KCNA6: variants seen among roughly 807,000 people sequenced by gnomAD.
KCNA6 encodes human brain potassium channel-2.
In KCNA6, 17 loss-of-function variants were observed where a neutral mutation model predicts 29.5. The ratio of observed to expected loss-of-function variants is 0.58; its 90% CI spans 0.39 to 0.86. The LOEUF is 0.86. Ranked by LOEUF, KCNA6 falls within the 40% of genes least tolerant of loss-of-function variation. KCNA6 has a pLI of 0.00. For missense variants in KCNA6, 450 were observed against 703.4 expected (o/e 0.64, Z 4.07); for synonymous variants, 296 against 304.7 (o/e 0.97, Z 0.30).
At chr12:4,839,128 A>T in the KCNA6 span, 4 of 152,244 alleles carry the variant, frequency 2.6e-5, no homozygotes, top group Non-Finnish European at 4.4e-5. Flanking sequence ...TGAACTCAAA[A>T]GCTTAAGGAA....
chr12:4,820,382 C>T, the KCNA6 span, among the ~76,000 whole-genome samples: 1 of 150,736 alleles, frequency 6.6e-6, no homozygotes, highest in South Asian at 2.1e-4. Flanking sequence ...ATGGAGGGGG[C>T]AGTGAATGCC....
the KCNA6 span, among the ~76,000 whole-genome samples, chr12:4,846,356 C>T: frequency 1.3e-5 from 2 of 152,036 alleles, no homozygotes; most frequent in Non-Finnish European, 2.9e-5. Context: ...CACTGCCCAC[C>T]GTTACTCTCC....
chr12:4,811,731 G>C lies in KCNA6; in HGVS notation c.*100G>C. 1.4e-6 allele frequency: 2 copies of C among 1,400,558 alleles called. No individual in the cohort carries two copies. The highest frequency in any genetic ancestry group is 2.0e-6 in the Non-Finnish European group (2 of 1,023,470). The allele number at this position is 1,400,558 out of a possible 1,614,324, so 86.8% of individuals were successfully genotyped here. On this transcript the variant is annotated 3_prime_UTR_variant, in exon 1 of 1. Transcript: ENST00000280684. This position sits in a 1 kb window ranked among gnomAD's most constrained non-coding sequence, Gnocchi z 7.1. ...TCACTCTAGCTTCAGTTGACTTCTT[G>C]ACTCTCTCCCCTACACCCACTACCT...
At position 4,811,403 on chromosome 12, in the gene KCNA6, G is replaced by T. The variant is rs376405366; in HGVS notation, c.1362G>T (p.Val454=). Residue 454 remains valine, a synonymous_variant, in exon 1 of 1, where the codon GTG becomes GTT. Transcript: ENST00000280684. This position sits in a 1 kb window ranked among gnomAD's most constrained non-coding sequence, Gnocchi z 7.1. ...GGGTCCTCACCATTGCCCTGCCTGT[G>T]CCCGTCATCGTCTCCAACTTCAACT... The T allele has an allele frequency of 2.5e-6, 4 of 1,614,046 alleles. No homozygotes were observed. Among genetic ancestry groups the T allele is most frequent in the Non-Finnish European group, 3.4e-6 (4 of 1,180,040 alleles).
At chr12:4,842,528 A>G in the KCNA6 span, 3,109 of 152,782 alleles carry the variant, frequency 0.02, 48 homozygotes, top group Non-Finnish European at 0.03. Flanking sequence ...CACAGGCTAT[A>G]CAGGAAACAT....
the KCNA6 span, among the ~76,000 whole-genome samples, chr12:4,827,356 G>A: frequency 2.0e-5 from 3 of 151,638 alleles, no homozygotes; most frequent in Non-Finnish European, 2.9e-5. Context: ...TCTTTATTTC[G>A]GTGTTGCAAA....
At chr12:4,813,490 T>G (rs1435145070), downstream of KCNA6, 1 of 167,132 alleles carries the variant, frequency 6.0e-6, no homozygotes, top group Non-Finnish European at 1.5e-5. Flanking sequence ...TAGGCCATTA[T>G]GGACCATTGG....
At chr12:4,838,431 C>T in the KCNA6 span, among the ~76,000 whole-genome samples, 2 of 152,272 alleles carry the variant, frequency 1.3e-5, no homozygotes, top group African/African-American at 2.4e-5. Context: ...GAGTTTACAG[C>T]GTGATACTGT....
At chr12:4,839,565 A>G in the KCNA6 span, among the ~76,000 whole-genome samples, 1 of 152,182 alleles carries the variant, frequency 6.6e-6, no homozygotes, top group African/African-American at 2.4e-5. Context: ...CAAATTTTCA[A>G]CCGCTCAGGG....
chr12:4,842,031 G>A, the KCNA6 span, among the ~76,000 whole-genome samples: 6 of 148,778 alleles, frequency 4.0e-5, no homozygotes, highest in African/African-American at 7.4e-5. Context: ...GTGTGTGTGT[G>A]TGTGTGTGTG....
the KCNA6 span, among the ~76,000 whole-genome samples, chr12:4,841,816 G>C: frequency 6.6e-6 from 1 of 152,110 alleles, no homozygotes; most frequent in Non-Finnish European, 1.5e-5. Context: ...CCAAGTTGTA[G>C]AATTTTATGG....
the KCNA6 span, among the ~76,000 whole-genome samples, chr12:4,825,654 C>T: frequency 7.9e-5 from 12 of 152,266 alleles, no homozygotes; most frequent in South Asian, 2.1e-4. Flanking sequence ...TGTTCAGAAA[C>T]GGAAGTGGTT....
the KCNA6 span, among the ~76,000 whole-genome samples, chr12:4,850,291 G>A: frequency 9.8e-6 from 1 of 102,430 alleles, no homozygotes; most frequent in African/African-American, 3.5e-5. This position sits in a 1 kb window ranked among gnomAD's most constrained non-coding sequence, Gnocchi z 5.4. Flanking sequence ...GCAGGCTGAG[G>A]GTCCGAGAGG....
the KCNA6 span, among the ~76,000 whole-genome samples, chr12:4,833,607 A>T: frequency 1.3e-5 from 2 of 152,206 alleles, no homozygotes; most frequent in Non-Finnish European, 2.9e-5. Flanking sequence ...ATAGCCAATG[A>T]TGTTAGGGCT....
At chr12:4,837,499 A>G in the KCNA6 span, among the ~76,000 whole-genome samples, 15 of 152,006 alleles carry the variant, frequency 9.9e-5, no homozygotes. Flanking sequence ...TGAGCCCTCA[A>G]CCTGTGGGAT....
chr12:4,835,199 A>G, the KCNA6 span, among the ~76,000 whole-genome samples: 7 of 140,066 alleles, frequency 5.0e-5, no homozygotes, highest in Non-Finnish European at 1.1e-4. Flanking sequence ...CAGTGGCGCG[A>G]TCTCTGCTCA....
the KCNA6 span, among the ~76,000 whole-genome samples, chr12:4,827,525 G>A: frequency 6.6e-6 from 1 of 152,202 alleles, no homozygotes; most frequent in Admixed American, 6.5e-5. Flanking sequence ...CCACACTAGA[G>A]GAAGAAGTCT....
chr12:4,812,532 C>T (rs1214994285), exon 1 of KCNA6: 1 of 167,124 alleles, frequency 6.0e-6, no homozygotes, highest in Non-Finnish European at 1.5e-5. Context: ...GCCACTTAAA[C>T]AGATACTGTT....
chr12:4,830,626 C>T, the KCNA6 span, among the ~76,000 whole-genome samples: 2 of 152,266 alleles, frequency 1.3e-5, no homozygotes, highest in Non-Finnish European at 2.9e-5. Flanking sequence ...TCATTCAAAC[C>T]GAGGACTTTT....
Sources: gnomAD v4.1 joint callset for allele counts (sites outside exome capture counted in the v4.1 genomes callset) on GRCh38, gnomAD v4.1.1 for gene constraint, Gnocchi (gnomAD v3.1) non-coding constraint, MANE v1.5 for transcripts, NCBI Gene and HGNC (gene_info 2026-07-23, HGNC 2026-07-21) for gene names.